Variants in VIPR2 observed in about 807,000 individuals in gnomAD.
VIPR2 encodes the protein vasoactive intestinal peptide receptor 2.
A neutral mutation model predicts 58.0 loss-of-function variants in VIPR2; 48 were observed. That is an observed-to-expected ratio of 0.83 (90% CI 0.66 to 1.05). The LOEUF (loss-of-function observed/expected upper bound fraction) is 1.05. Among genes scored for constraint, VIPR2 ranks in the 50% least tolerant of loss-of-function variants. The pLI is 0.00. For missense variants in VIPR2, 534 were observed against 558.0 expected (o/e 0.96, Z 0.43); for synonymous variants, 243 against 235.2 (o/e 1.03, Z -0.30).
intron 4 of VIPR2, among the ~76,000 whole-genome samples, chr7:159,077,009 T>TTCAA: frequency 6.6e-6 from 1 of 152,320 alleles, no homozygotes; most frequent in African/African-American, 2.4e-5. Context: ...TGAGTAGAGA[T>TTCAA]TGACTTTATG....
In VIPR2 at chr7:159,115,329, T is replaced by G. The variant is rs59352755; in HGVS notation, c.152-5410A>C. 4.0e-3 allele frequency among the ~76,000 whole-genome samples: 609 copies of G among 152,372 alleles called. 1 individual carries two copies. Among genetic ancestry groups the G allele is most frequent in the African/African-American group, 0.014 (581 of 41,588 alleles). On this transcript the variant is annotated intron_variant, in intron 2 of 12. Transcript: ENST00000262178. ...GAGAGAGAAAAGAGCAATGAAACCC[T>G]TTGGCTCGCACACCGAGGCAGAAGC...
chr7:159,043,970 C>T (rs2540342), intron 5 of VIPR2, among the ~76,000 whole-genome samples: 136,534 of 152,170 alleles, frequency 0.9, 61,476 homozygotes, highest in East Asian at 1. Flanking sequence ...GTGGGGAACC[C>T]AGAAATCCAG....
chr7:159,120,014 C>G (rs967114784), intron 2 of VIPR2, among the ~76,000 whole-genome samples: 4 of 152,164 alleles, frequency 2.6e-5, no homozygotes, highest in Non-Finnish European at 5.9e-5. Flanking sequence ...GGGGAGGGGA[C>G]AGTGTGCTGG....
intron 5 of VIPR2, among the ~76,000 whole-genome samples, chr7:159,053,390 T>TA (rs1855120045): frequency 6.6e-6 from 1 of 152,182 alleles, no homozygotes; most frequent in African/African-American, 2.4e-5. Context: ...CGGAAAATCA[T>TA]AAAACACTGA....
chr7:159,129,841 A>G (rs111923271), intron 2 of VIPR2, among the ~76,000 whole-genome samples: 1,315 of 33,592 alleles, frequency 0.039, 9 homozygotes, highest in African/African-American at 0.069. Context: ...CTGGCCTCTG[A>G]GGGGGACAGG....
chr7:159,129,399 A>C (rs569542652), intron 2 of VIPR2, among the ~76,000 whole-genome samples: 1 of 137,346 alleles, frequency 7.3e-6, no homozygotes, highest in African/African-American at 3.0e-5. Context: ...TCTGGCGGGG[A>C]CAGGGCCAGG....
chr7:159,061,078 A>C (rs567131570), intron 4 of VIPR2, among the ~76,000 whole-genome samples: 3 of 152,350 alleles, frequency 2.0e-5, no homozygotes, highest in Admixed American at 2.0e-4. Flanking sequence ...CGTCCTTTGA[A>C]GCACCATGGA....
chr7:159,030,639 G>A lies in VIPR2; in HGVS notation c.1294C>T (p.Gln432Ter), dbSNP rs1186018220. The A allele has an allele frequency of 9.7e-6, 15 of 1,553,762 alleles. No individual in the cohort carries two copies. Among genetic ancestry groups the A allele is most frequent in the Non-Finnish European group, 1.2e-5 (14 of 1,150,036 alleles). Reference sequence around the variant, plus strand: ...GGCTAGATGACCGAGGTCTCCGTTTGCAGGAAGGACTGGGCGCGGGAGCCG... The same window carrying A: ...GGCTAGATGACCGAGGTCTCCGTTTACAGGAAGGACTGGGCGCGGGAGCCG... ...HRGSRAQSFL[Q>*]TETSVI Residue 432 changes from glutamine to a stop codon, truncating the protein, a stop_gained, in exon 13 of 13, where the codon CAA becomes TAA. Coordinates refer to ENST00000262178, the MANE Select transcript of VIPR2 (RefSeq NM_003382.5). LOFTEE classifies it high-confidence loss of function.
intron 4 of VIPR2, among the ~76,000 whole-genome samples, chr7:159,069,402 G>A (rs2129494481): frequency 1.3e-5 from 2 of 152,276 alleles, no homozygotes; most frequent in East Asian, 3.9e-4. Flanking sequence ...AGACAACAAT[G>A]CACCTGCTGC....
intron 4 of VIPR2, among the ~76,000 whole-genome samples, chr7:159,070,934 AG>A (rs1856355244): frequency 6.6e-6 from 1 of 152,228 alleles, no homozygotes; most frequent in African/African-American, 2.4e-5. Context: ...GAACCTCAGC[AG>A]CGTGGCCCAG....
At chr7:159,143,982 C>T (rs1299781337) in intron 1 of VIPR2, among the ~76,000 whole-genome samples, 1 of 152,248 alleles carries the variant, frequency 6.6e-6, no homozygotes, top group African/African-American at 2.4e-5. Flanking sequence ...AGCAGCGCAG[C>T]CTCCCAGCTG....
chr7:159,111,986 G>A (rs753472136), intron 2 of VIPR2, among the ~76,000 whole-genome samples: 10 of 152,110 alleles, frequency 6.6e-5, no homozygotes, highest in African/African-American at 9.7e-5. Flanking sequence ...ACTCCAGCCC[G>A]GGCGACAGAG....
rs375114856 is a variant in VIPR2 at position 159,128,913 on chromosome 7, C to T, written c.151+13533G>A. On this transcript the variant is annotated intron_variant, in intron 2 of 12. Transcript: ENST00000262178. The surrounding 1 kb of genome is among the most constrained non-coding windows in gnomAD (Gnocchi z 4.1). ...ACAGGCTTCTTCCATCTGCTGCACA[C>T]CAAAGCCCACCACCCTTCAAGCTCC... 6.6e-6 allele frequency among the ~76,000 whole-genome samples: 1 copy of T among 152,192 alleles called. No individual in the cohort carries two copies. The highest frequency in any genetic ancestry group is 1.5e-5 in the Non-Finnish European group (1 of 68,034).
At chr7:159,049,353 T>C (rs1288924214) in intron 5 of VIPR2, among the ~76,000 whole-genome samples, 1 of 152,158 alleles carries the variant, frequency 6.6e-6, no homozygotes, top group Admixed American at 6.5e-5. Flanking sequence ...CCAAGGGCTT[T>C]GGGGAGCAGC....
intron 2 of VIPR2, among the ~76,000 whole-genome samples, chr7:159,141,258 T>A (rs2129498343): frequency 6.6e-6 from 1 of 152,364 alleles, no homozygotes; most frequent in Non-Finnish European, 1.5e-5. Flanking sequence ...TATTTGCCTT[T>A]CTCTGGACAG....
At chr7:159,064,423 C>T (rs1282544981) in intron 4 of VIPR2, among the ~76,000 whole-genome samples, 1 of 152,030 alleles carries the variant, frequency 6.6e-6, no homozygotes, top group Non-Finnish European at 1.5e-5. Flanking sequence ...GTGGAATTGG[C>T]GGCTCCTGAG....
intron 4 of VIPR2, among the ~76,000 whole-genome samples, chr7:159,077,827 G>T (rs1242108657): frequency 6.6e-6 from 1 of 152,198 alleles, no homozygotes; most frequent in African/African-American, 2.4e-5. Flanking sequence ...TTCTAGCCCT[G>T]TTCAATGTCT....
intron 2 of VIPR2, among the ~76,000 whole-genome samples, chr7:159,114,900 A>G (rs1585529565): frequency 6.6e-6 from 1 of 152,324 alleles, no homozygotes; most frequent in East Asian, 1.9e-4. Flanking sequence ...GACATGTTTA[A>G]ACAGAATTGT....
At chr7:159,050,354 C>CAA (rs11302236) in intron 5 of VIPR2, among the ~76,000 whole-genome samples, 6 of 139,178 alleles carry the variant, frequency 4.3e-5, no homozygotes, top group African/African-American at 1.6e-4. Context: ...CACAAAAAAA[C>CAA]AAAAAAAAAA....
Sources: gnomAD v4.1 joint callset for allele counts (sites outside exome capture counted in the v4.1 genomes callset) on GRCh38, gnomAD v4.1.1 for gene constraint, Gnocchi (gnomAD v3.1) non-coding constraint, MANE v1.5 for transcripts, NCBI Gene and HGNC (gene_info 2026-07-23, HGNC 2026-07-21) for gene names.